IKZF2: variants seen among roughly 807,000 people sequenced by gnomAD.
IKZF2 encodes the protein zinc finger protein Helios.
Under a neutral mutation model 49.2 loss-of-function variants are expected in IKZF2, and 15 were observed. The ratio of observed to expected loss-of-function variants is 0.30; its 90% CI spans 0.20 to 0.47. The LOEUF is 0.47. Ranked by LOEUF, IKZF2 falls within the 20% of genes least tolerant of loss-of-function variation. IKZF2 has a pLI of 1.00. For missense variants in IKZF2, 567 were observed against 664.6 expected, an observed-to-expected ratio of 0.85 and a Z score of 1.61; for synonymous variants, 227 against 221.4, an observed-to-expected ratio of 1.03 and a Z score of -0.23.
chr2:213,026,856 T>G (rs113227910), intron 6 of IKZF2, among the ~76,000 whole-genome samples: 71 of 152,260 alleles, frequency 4.7e-4, no homozygotes, highest in African/African-American at 1.6e-3. Flanking sequence ...GGTAACACTT[T>G]CTCCCAGATT....
rs957826299 is a variant in IKZF2, at chr2:213,128,807, T to TC, written c.139+18900_139+18901insG. ...CACACCACACTAATTTTTTTTTCTT[T>TC]TTTTTTTTTTTTTTTTGTATTTTTA... is the stretch of plus-strand genomic sequence containing the variant. On this transcript the variant is annotated intron_variant, in intron 4 of 8. Transcript: ENST00000434687. 3.4e-4 allele frequency among the ~76,000 whole-genome samples: 49 copies of TC among 145,348 alleles called. No homozygotes were observed. In the South Asian group the frequency reaches 3.8e-3, roughly 11 times the overall value.
intron 4 of IKZF2, among the ~76,000 whole-genome samples, chr2:213,127,894 TA>T (rs1180737168): frequency 6.6e-6 from 1 of 152,152 alleles, no homozygotes; most frequent in African/African-American, 2.4e-5. Flanking sequence ...ATTGTTTTTA[TA>T]AAGCATTTCC....
intron 1 of IKZF2, among the ~76,000 whole-genome samples, chr2:213,150,740 A>T (rs2061257818): frequency 1.3e-5 from 2 of 150,876 alleles, no homozygotes; most frequent in Admixed American, 6.6e-5. Context: ...ACAGTCAGGC[A>T]GAACCCAGCT....
chr2:213,115,778 G>A (rs150594968), intron 4 of IKZF2, among the ~76,000 whole-genome samples: 2 of 152,310 alleles, frequency 1.3e-5, no homozygotes, highest in African/African-American at 4.8e-5. Context: ...CAATGGAAAT[G>A]CTAAACACCA....
chr2:213,117,435 T>C lies in IKZF2; in HGVS notation c.139+30273A>G, dbSNP rs530830146. ...GTTAAGTAACATATCCAAGATCACA[T>C]AGCTGGTAAGTAGAGCCAAGATTTG... On this transcript the variant is annotated intron_variant, in intron 4 of 8. Coordinates refer to ENST00000434687, the MANE Select transcript of IKZF2 (RefSeq NM_001387220.1). 3.7e-3 allele frequency among the ~76,000 whole-genome samples: 556 copies of C among 152,290 alleles called. 5 individuals carry two copies. Among genetic ancestry groups the C allele is most frequent in the Non-Finnish European group, 5.4e-3 (369 of 68,026 alleles).
At chr2:213,130,507 C>A (rs1204580539) in intron 4 of IKZF2, among the ~76,000 whole-genome samples, 3 of 151,984 alleles carry the variant, frequency 2.0e-5, no homozygotes, top group Admixed American at 1.3e-4. Flanking sequence ...ACCTTAAGAC[C>A]CACCCAAGCA....
intron 6 of IKZF2, among the ~76,000 whole-genome samples, chr2:213,027,445 CCT>C (rs1697937531): frequency 6.6e-6 from 1 of 152,120 alleles, no homozygotes; most frequent in South Asian, 2.1e-4. Flanking sequence ...CTTACCCCTT[CCT>C]CTGAGGTTCT....
intron 4 of IKZF2, among the ~76,000 whole-genome samples, chr2:213,064,309 T>C (rs1701971537): frequency 6.6e-6 from 1 of 152,058 alleles, no homozygotes; most frequent in Non-Finnish European, 1.5e-5. Flanking sequence ...GTGTCAATTA[T>C]TGATATAAAG....
At position 213,071,676 on chromosome 2, in the gene IKZF2, G is replaced by T. The variant is rs1432561134; in HGVS notation, c.140-14577C>A. Among the ~76,000 whole-genome samples, 4 of 152,056 alleles carry T rather than the reference G, an allele frequency of 2.6e-5. No homozygotes were observed. The East Asian group carries it at 7.7e-4, about 29-fold the overall frequency. ...AAGGCACAGAATTGGGAAGAAGAAAGGCTCACAGCAATTCACTTAAATTCC... is the reference window on the plus strand; with the variant it reads ...AAGGCACAGAATTGGGAAGAAGAAATGCTCACAGCAATTCACTTAAATTCC... On this transcript the variant is annotated intron_variant, in intron 4 of 8. Transcript: ENST00000434687.
At chr2:213,145,493 G>C (rs1262588752) in intron 4 of IKZF2, among the ~76,000 whole-genome samples, 1 of 152,044 alleles carries the variant, frequency 6.6e-6, no homozygotes, top group Non-Finnish European at 1.5e-5. Context: ...TGACAGGCCA[G>C]ATGCACACAA....
chr2:213,149,055 AT>A (rs1216036079), intron 2 of IKZF2, among the ~76,000 whole-genome samples: 1 of 152,170 alleles, frequency 6.6e-6, no homozygotes, highest in African/African-American at 2.4e-5. Context: ...TCTATTCACA[AT>A]TGTTGCAAGT....
rs1482698914 is a variant in IKZF2 at position 213,005,167 on chromosome 2, AATT to A, written c.*2190_*2192del. ...CCAAAAGGAAAAAAAATGGCATCCC[AATT>A]ATTATTTGGGAGTGGTTGGGTGGGG... is the stretch of plus-strand genomic sequence containing the variant. On this transcript the variant is annotated 3_prime_UTR_variant, in exon 9 of 9. Coordinates refer to ENST00000434687, the MANE Select transcript of IKZF2 (RefSeq NM_001387220.1). 19 of 120,586 alleles carry A rather than the reference AATT, an allele frequency of 1.6e-4. No homozygotes were observed. The highest frequency in any genetic ancestry group is 1.2e-4 in the Admixed American group (1 of 8,442). 7.5% of individuals were successfully genotyped at this position (120,586 alleles called of 1,614,324 possible).
At chr2:213,022,657 A>G (rs2125116310) in intron 6 of IKZF2, among the ~76,000 whole-genome samples, 1 of 152,326 alleles carries the variant, frequency 6.6e-6, no homozygotes, top group Admixed American at 6.5e-5. Context: ...TACAGATGAA[A>G]GTAGAGTTTC....
rs1695142157 is a variant in IKZF2, at chr2:213,004,231, C to T, written c.*3129G>A. 6.6e-6 allele frequency: 1 copy of T among 151,764 alleles called. No individual in the cohort carries two copies. Among genetic ancestry groups the T allele is most frequent in the Non-Finnish European group, 1.5e-5 (1 of 67,826 alleles). The allele number at this position is 151,764 out of a possible 1,614,324, so 9.4% of individuals were successfully genotyped here. A position where few individuals can be genotyped will look rare whatever the true frequency, so the allele number is the denominator to read the frequency against. On this transcript the variant is annotated 3_prime_UTR_variant, in exon 9 of 9. Coordinates refer to ENST00000434687, the MANE Select transcript of IKZF2 (RefSeq NM_001387220.1). ...TGCCTGTATGTATGTAGGGGAGATA[C>T]TTTCTACTACGTAGCCAAATCTAAG...
At chr2:213,144,930 C>T (rs2060996552) in intron 4 of IKZF2, among the ~76,000 whole-genome samples, 1 of 151,648 alleles carries the variant, frequency 6.6e-6, no homozygotes, top group Non-Finnish European at 1.5e-5. Flanking sequence ...ATTTTTAGTT[C>T]TCTCCCTCCC....
chr2:213,080,666 G>GT (rs776339666), intron 4 of IKZF2, among the ~76,000 whole-genome samples: 70 of 152,246 alleles, frequency 4.6e-4, no homozygotes, highest in Non-Finnish European at 8.1e-4. Context: ...AAATTTTCAT[G>GT]TATCTAGTGA....
chr2:213,121,719 A>G (rs1292253127), intron 4 of IKZF2, among the ~76,000 whole-genome samples: 2 of 152,336 alleles, frequency 1.3e-5, no homozygotes, highest in East Asian at 1.9e-4. Context: ...TAACCACAGC[A>G]TTGGTTTAAA....
At chr2:213,140,482 A>T (rs2060827044) in intron 4 of IKZF2, among the ~76,000 whole-genome samples, 1 of 151,968 alleles carries the variant, frequency 6.6e-6, no homozygotes, top group African/African-American at 2.4e-5. Flanking sequence ...TTTAGCTAAC[A>T]ACCTGTAATA....
chr2:213,147,933 T>G, intron 3 of IKZF2, 121 bp from the exon 4 acceptor site: 1 of 677,258 alleles, frequency 1.5e-6, no homozygotes. Context: ...AATACATTTT[T>G]CCCTTAGAAA....
Sources: allele counts gnomAD v4.1 joint callset (sites outside exome capture counted in the v4.1 genomes callset), GRCh38; gene constraint gnomAD v4.1.1; transcripts MANE v1.5; gene names NCBI Gene and HGNC (gene_info 2026-07-23, HGNC 2026-07-21).